RTTN: variants seen among roughly 807,000 people sequenced by gnomAD.
RTTN encodes rotatin.
In RTTN, 182 loss-of-function variants were observed where a neutral mutation model predicts 269.2. The ratio of observed to expected loss-of-function variants is 0.68; its 90% CI spans 0.60 to 0.76. The LOEUF (loss-of-function observed/expected upper bound fraction) is 0.76. RTTN is among the 30% of genes least tolerant of loss of function. The pLI is 0.00. For missense variants in RTTN, 2,545 were observed against 2,608.6 expected (o/e 0.98, Z 0.53); for synonymous variants, 1,006 against 963.5 (o/e 1.04, Z -0.82).
intron 31 of RTTN, among the ~76,000 whole-genome samples, chr18:70,087,135 T>G (rs942474090): frequency 5.3e-5 from 8 of 151,940 alleles, no homozygotes; most frequent in Admixed American, 2.0e-4. Context: ...CAATAAAAAC[T>G]TGCTAACTAG....
At chr18:70,095,848 T>C (rs1029208115) in intron 28 of RTTN, among the ~76,000 whole-genome samples, 2 of 152,160 alleles carry the variant, frequency 1.3e-5, no homozygotes, top group Admixed American at 1.3e-4. Context: ...CCTGTCTTGA[T>C]AGGTTGGGGA....
At chr18:70,102,663 G>A (rs1236679738) in intron 28 of RTTN, among the ~76,000 whole-genome samples, 1 of 152,152 alleles carries the variant, frequency 6.6e-6, no homozygotes, top group Admixed American at 6.5e-5. Context: ...TTTCTTCCTA[G>A]CATCAATGGT....
At chr18:70,137,222 T>G (rs1430860801) in intron 21 of RTTN, among the ~76,000 whole-genome samples, 1 of 152,116 alleles carries the variant, frequency 6.6e-6, no homozygotes, top group Non-Finnish European at 1.5e-5. Context: ...GAAGTTTCGA[T>G]TCTCTCTCAG....
At chr18:70,090,143 G>T (rs2058804848) in intron 30 of RTTN, among the ~76,000 whole-genome samples, 1 of 152,184 alleles carries the variant, frequency 6.6e-6, no homozygotes, top group African/African-American at 2.4e-5. Context: ...GACAGAGAAA[G>T]ATGCAGAGAA....
chr18:70,006,510 A>C (rs2056191951), intron 46 of RTTN, 26 bp from the exon 47 acceptor site: 1 of 1,555,742 alleles, frequency 6.4e-7, no homozygotes, highest in Admixed American at 1.7e-5. Context: ...TATTTTTTAA[A>C]AGTTCAGTCC....
At chr18:70,082,371 T>C (rs1339886611) in intron 32 of RTTN, among the ~76,000 whole-genome samples, 3 of 152,064 alleles carry the variant, frequency 2.0e-5, no homozygotes, top group African/African-American at 7.2e-5. Flanking sequence ...GGATTATCTG[T>C]GAATCTCCAA....
chr18:70,166,606 T>G (rs895721778), intron 13 of RTTN: 1 of 216,324 alleles, frequency 4.6e-6, no homozygotes. Flanking sequence ...AAGTTATTAA[T>G]TAAAACTTTA....
Position 70,179,998 on chromosome 18 carries a change from C to A in RTTN, c.1306-3153G>T, listed in dbSNP as rs142190298. On this transcript the variant is annotated intron_variant, in intron 10 of 48. Transcript: ENST00000640769. Reference sequence around the variant, plus strand: ...CACCAGTCTCTCTCCACTATTTGCACCTCACATTTCATGGTCTAGGTGCTT... The same window carrying A: ...CACCAGTCTCTCTCCACTATTTGCAACTCACATTTCATGGTCTAGGTGCTT... 2.9e-3 allele frequency among the ~76,000 whole-genome samples: 441 copies of A among 152,258 alleles called. 1 individual carries two copies. Among genetic ancestry groups the A allele is most frequent in the African/African-American group, 9.8e-3 (409 of 41,530 alleles).
rs759320991 is a variant in RTTN at position 70,051,552 on chromosome 18, TA to T, written c.5186-5del. On this transcript the variant is annotated splice_region_variant and splice_polypyrimidine_tract_variant and intron_variant, in intron 38 of 48. Transcript: ENST00000640769. ...AAAGCTGATATTAACTCTTTATCTA[TA>T]AAATTAATCAAAACACTTCAAGTTA... The T allele has an allele frequency of 6.6e-5, 105 of 1,586,094 alleles. No individual in the cohort carries two copies. In the South Asian group the frequency reaches 1.1e-3, roughly 16 times the overall value.
At chr18:70,053,950 C>A (rs1182280320) in intron 38 of RTTN, among the ~76,000 whole-genome samples, 181 bp downstream of exon 38, 1 of 152,222 alleles carries the variant, frequency 6.6e-6, no homozygotes, top group South Asian at 2.1e-4. Flanking sequence ...TTATACTACA[C>A]ACTTGTCTTA....
chr18:70,067,952 C>G (rs2058189044), intron 34 of RTTN, among the ~76,000 whole-genome samples: 1 of 152,126 alleles, frequency 6.6e-6, no homozygotes, highest in African/African-American at 2.4e-5. Context: ...TAGAAAGTAC[C>G]TTATTGTATT....
At chr18:70,095,600 T>C (rs2058980380) in intron 28 of RTTN, among the ~76,000 whole-genome samples, 1 of 152,186 alleles carries the variant, frequency 6.6e-6, no homozygotes, top group Non-Finnish European at 1.5e-5. Context: ...AATTATTTTC[T>C]TTATTAATGA....
intron 14 of RTTN, among the ~76,000 whole-genome samples, chr18:70,152,521 T>C (rs2060566034): frequency 6.6e-6 from 1 of 152,178 alleles, no homozygotes; most frequent in African/African-American, 2.4e-5. Flanking sequence ...AGCATTAGCA[T>C]TATTATATTT....
At chr18:70,153,246 AT>A (rs2060586135) in intron 14 of RTTN, among the ~76,000 whole-genome samples, 1 of 151,976 alleles carries the variant, frequency 6.6e-6, no homozygotes, top group Non-Finnish European at 1.5e-5. Context: ...CTATATATAT[AT>A]ATACATATTC....
chr18:70,109,736 G>GA lies in RTTN; in HGVS notation c.3684-20dup. 6.2e-7 allele frequency: 1 copy of GA among 1,601,670 alleles called. No individual in the cohort carries two copies. Among genetic ancestry groups the GA allele is most frequent in the Non-Finnish European group, 8.5e-7 (1 of 1,169,772 alleles). On this transcript the variant is annotated intron_variant, in intron 27 of 48. Transcript: ENST00000640769. ...GCATTTCCTATGTATGCAAAAGAGG[G>GA]AAAATCAACCACCAAGAAAGTATAA... is the stretch of plus-strand genomic sequence containing the variant.
At position 70,020,823 on chromosome 18, in the gene RTTN, A is replaced by C; in HGVS notation, c.5951-6T>G. 6.2e-7 allele frequency: 1 copy of C among 1,607,204 alleles called. No individual in the cohort carries two copies. Among genetic ancestry groups the C allele is most frequent in the African/African-American group, 1.3e-5 (1 of 74,698 alleles). On this transcript the variant is annotated splice_region_variant and splice_polypyrimidine_tract_variant and intron_variant, in intron 44 of 48. Transcript: ENST00000640769. The stretch of plus-strand genomic sequence containing the variant: ...CCAACAAAGAGAACTGCAACCTTCA[A>C]AAATAACAGCCTATCACAATGTCTT...
At chr18:70,023,650 G>C (rs2056770024) in intron 44 of RTTN, among the ~76,000 whole-genome samples, 1 of 151,984 alleles carries the variant, frequency 6.6e-6, no homozygotes, top group Non-Finnish European at 1.5e-5. Context: ...GCTATATACT[G>C]AATCTGTCTA....
At chr18:70,013,374 T>C (rs1054015681) in intron 46 of RTTN, among the ~76,000 whole-genome samples, 2 of 151,414 alleles carry the variant, frequency 1.3e-5, no homozygotes, top group African/African-American at 4.9e-5. Flanking sequence ...AAGTACTGTG[T>C]GTGTATGTAT....
intron 26 of RTTN, among the ~76,000 whole-genome samples, chr18:70,118,197 G>T (rs961827766): frequency 6.6e-6 from 1 of 151,580 alleles, no homozygotes; most frequent in African/African-American, 2.4e-5. Context: ...TTGAAAAGAT[G>T]AACAAAATTG....
Sources: gnomAD v4.1 joint callset for allele counts (sites outside exome capture counted in the v4.1 genomes callset) on GRCh38, gnomAD v4.1.1 for gene constraint, MANE v1.5 for transcripts, NCBI Gene and HGNC (gene_info 2026-07-23, HGNC 2026-07-21) for gene names.